The following PON1 variants were observed in gnomAD, a reference collection of about 807,000 sequenced individuals.
PON1 encodes serum paraoxonase/arylesterase 1.
Under a neutral mutation model 39.2 loss-of-function variants are expected in PON1, and 37 were observed. The observed-to-expected ratio is 0.94, with a 90% CI of 0.73 to 1.24. The LOEUF is 1.24. Among genes scored for constraint, PON1 ranks in the 50% most tolerant of loss-of-function variants. The pLI is 0.00. For missense variants in PON1, 397 were observed against 413.5 expected, an observed-to-expected ratio of 0.96 and a Z score of 0.35; for synonymous variants, 148 against 152.2, an observed-to-expected ratio of 0.97 and a Z score of 0.21.
At chr7:95,305,731 T>C (rs1335876256) in intron 7 of PON1, among the ~76,000 whole-genome samples, 1 of 151,966 alleles carries the variant, frequency 6.6e-6, no homozygotes, top group African/African-American at 2.4e-5. Context: ...GCAGAGGGAA[T>C]GGTGCCCCGT....
chr7:95,321,320 T>C (rs1807892149), intron 1 of PON1, among the ~76,000 whole-genome samples: 1 of 152,156 alleles, frequency 6.6e-6, no homozygotes, highest in Non-Finnish European at 1.5e-5. Flanking sequence ...GCAGAAGTAT[T>C]CGGTGAAAAT....
intron 5 of PON1, among the ~76,000 whole-genome samples, chr7:95,310,141 A>G (rs1807623349): frequency 1.3e-5 from 2 of 152,340 alleles, no homozygotes; most frequent in East Asian, 3.9e-4. Context: ...CAGCTGCACC[A>G]TTTACTGATG....
Position 95,298,770 on chromosome 7 carries a change from A to G in PON1, c.*174T>C. 1.4e-6 allele frequency: 1 copy of G among 730,522 alleles called. No individual in the cohort carries two copies. The allele number at this position is 730,522 out of a possible 1,614,324, so 45.3% of individuals were successfully genotyped here. On this transcript the variant is annotated 3_prime_UTR_variant, in exon 9 of 9. Coordinates refer to ENST00000222381, the MANE Select transcript of PON1 (RefSeq NM_000446.7). ...AAGACTGATTTGATAGTGTATTCTC[A>G]AAAAAAAGCCCTACACATCATATCA...
intron 1 of PON1, among the ~76,000 whole-genome samples, chr7:95,320,840 T>C (rs917324155): frequency 2.1e-4 from 32 of 152,236 alleles, no homozygotes; most frequent in African/African-American, 7.5e-4. Context: ...CTGAGATATA[T>C]CTCTGATTCA....
intron 1 of PON1, among the ~76,000 whole-genome samples, chr7:95,321,248 G>A (rs1807890526): frequency 6.6e-6 from 1 of 152,120 alleles, no homozygotes; most frequent in Non-Finnish European, 1.5e-5. Context: ...CTCCCATTGG[G>A]CCCCACCTCC....
chr7:95,307,312 C>T (rs1451065713), intron 6 of PON1, among the ~76,000 whole-genome samples: 1 of 152,050 alleles, frequency 6.6e-6, no homozygotes, highest in Non-Finnish European at 1.5e-5. Flanking sequence ...CTTGGCCTCC[C>T]GAAGTGCTAG....
chr7:95,323,739 G>C (rs887161761), intron 1 of PON1, among the ~76,000 whole-genome samples: 4 of 152,196 alleles, frequency 2.6e-5, no homozygotes, highest in African/African-American at 9.7e-5. Context: ...CAGGCAGTGT[G>C]TATTACTATT....
At chr7:95,314,368 CAAAACAA>C (rs970738372) in intron 4 of PON1, among the ~76,000 whole-genome samples, 1 of 149,446 alleles carries the variant, frequency 6.7e-6, no homozygotes. Context: ...AAAAACAAAA[CAAAACAA>C]AAAACAAAAG....
At position 95,298,737 on chromosome 7, in the gene PON1, A is replaced by G. The variant is rs1417678878; in HGVS notation, c.*207T>C. The G allele has an allele frequency of 4.8e-6, 3 of 621,612 alleles. No individual in the cohort carries two copies. Among genetic ancestry groups the G allele is most frequent in the Non-Finnish European group, 8.5e-6 (3 of 352,026 alleles). 38.5% of individuals were successfully genotyped at this position (621,612 alleles called of 1,614,324 possible). On this transcript the variant is annotated 3_prime_UTR_variant, in exon 9 of 9. Transcript: ENST00000222381. ...ATTTTTATGGTAAATGAGGTTTTCA[A>G]GTATTCCAAGACTGATTTGATAGTG...
intron 8 of PON1, among the ~76,000 whole-genome samples, chr7:95,299,532 A>C (rs1220821222): frequency 2.0e-5 from 3 of 152,094 alleles, no homozygotes; most frequent in Non-Finnish European, 4.4e-5. Context: ...CATTTGAGTC[A>C]GTGGGCTGCA....
chr7:95,308,309 G>T, intron 5 of PON1, 98 bp from the exon 6 acceptor site: 1 of 1,150,024 alleles, frequency 8.7e-7, no homozygotes, highest in Non-Finnish European at 1.3e-6. Flanking sequence ...CTAAAATCAA[G>T]ATGTGGGATG....
At chr7:95,321,906 C>T (rs1807907861) in intron 1 of PON1, among the ~76,000 whole-genome samples, 1 of 152,178 alleles carries the variant, frequency 6.6e-6, no homozygotes, top group Non-Finnish European at 1.5e-5. Context: ...TCATAGTTGT[C>T]AGTTTCACAG....
intron 8 of PON1, among the ~76,000 whole-genome samples, chr7:95,300,024 A>G (rs991101432): frequency 6.6e-6 from 1 of 151,180 alleles, no homozygotes; most frequent in African/African-American, 2.5e-5. Flanking sequence ...TCTGTGTACC[A>G]TACTCATGTG....
At chr7:95,310,012 C>T (rs535029493) in intron 5 of PON1, among the ~76,000 whole-genome samples, 2 of 152,206 alleles carry the variant, frequency 1.3e-5, no homozygotes, top group East Asian at 1.9e-4. Context: ...TACTCCAATC[C>T]GGTAACGTAG....
At chr7:95,308,830 C>T (rs1221089432) in intron 5 of PON1, among the ~76,000 whole-genome samples, 3 of 151,524 alleles carry the variant, frequency 2.0e-5, no homozygotes, top group Non-Finnish European at 4.4e-5. Flanking sequence ...ATGAAATGTC[C>T]ATGAACAAGA....
chr7:95,323,264 C>T (rs923977125), intron 1 of PON1, among the ~76,000 whole-genome samples: 13 of 152,114 alleles, frequency 8.5e-5, no homozygotes, highest in African/African-American at 3.1e-4. Flanking sequence ...CTCAGCAACC[C>T]ATCCTTTATC....
intron 1 of PON1, among the ~76,000 whole-genome samples, chr7:95,318,923 C>CA (rs1807831485): frequency 6.6e-6 from 1 of 152,148 alleles, no homozygotes; most frequent in Non-Finnish European, 1.5e-5. Context: ...ATTTCACACA[C>CA]ACAGGTGCAC....
intron 5 of PON1, 148 bp downstream of exon 5, chr7:95,311,303 G>C: frequency 5.2e-6 from 5 of 954,030 alleles, no homozygotes; most frequent in Non-Finnish European, 8.0e-6. Context: ...TCCTCAGAAG[G>C]TTCTTCAGAA....
intron 2 of PON1, 137 bp from the exon 3 acceptor site, chr7:95,316,926 C>G (rs1807781489): frequency 1.4e-6 from 1 of 714,908 alleles, no homozygotes; most frequent in Admixed American, 2.1e-5. Context: ...TTCATTCTTT[C>G]ATTTATTCAA....
Sources: gnomAD v4.1 joint callset for allele counts (sites outside exome capture counted in the v4.1 genomes callset) on GRCh38, gnomAD v4.1.1 for gene constraint, MANE v1.5 for transcripts, NCBI Gene and HGNC (gene_info 2026-07-23, HGNC 2026-07-21) for gene names.